Variants in SLCO2A1 observed in about 807,000 individuals in gnomAD.
The protein encoded by SLCO2A1 is solute carrier organic anion transporter family member 2A1.
A neutral mutation model predicts 71.7 loss-of-function variants in SLCO2A1; 60 were observed. The observed-to-expected ratio is 0.84, with a 90% CI of 0.68 to 1.04. The LOEUF (loss-of-function observed/expected upper bound fraction) is 1.04. SLCO2A1 is among the 50% of genes least tolerant of loss of function. The pLI, the probability that SLCO2A1 is intolerant of heterozygous loss-of-function variation, is 0.00. For synonymous variants in SLCO2A1, 308 were observed against 326.7 expected, an observed-to-expected ratio of 0.94 and a Z score of 0.62; for missense variants, 745 against 813.4, an observed-to-expected ratio of 0.92 and a Z score of 1.02.
At chr3:133,992,904 G>C (rs1412583867) in intron 1 of SLCO2A1, among the ~76,000 whole-genome samples, 2 of 151,272 alleles carry the variant, frequency 1.3e-5, no homozygotes, top group Non-Finnish European at 2.9e-5. Flanking sequence ...CGCCAGACAA[G>C]AGTTCAGATG....
At chr3:133,949,445 G>T (rs933701536) in intron 6 of SLCO2A1, among the ~76,000 whole-genome samples, 2 of 152,070 alleles carry the variant, frequency 1.3e-5, no homozygotes, top group Non-Finnish European at 2.9e-5. Flanking sequence ...TGAGCCTAAA[G>T]GTGAGTGCTG....
At chr3:133,974,954 G>A (rs1450177497) in intron 2 of SLCO2A1, among the ~76,000 whole-genome samples, 1 of 152,206 alleles carries the variant, frequency 6.6e-6, no homozygotes, top group Non-Finnish European at 1.5e-5. Flanking sequence ...ATTGGCAAAT[G>A]TACTGGTCAA....
At chr3:133,991,828 C>T (rs915880680) in intron 1 of SLCO2A1, among the ~76,000 whole-genome samples, 2 of 152,332 alleles carry the variant, frequency 1.3e-5, no homozygotes, top group South Asian at 4.2e-4. Flanking sequence ...CTTTGCCAGC[C>T]TTTACTGCCC....
intron 1 of SLCO2A1, among the ~76,000 whole-genome samples, chr3:134,012,607 A>G (rs1200124038): frequency 6.6e-6 from 1 of 152,250 alleles, no homozygotes; most frequent in Non-Finnish European, 1.5e-5. Context: ...TAGATTCTAT[A>G]CAATAAGATG....
intron 1 of SLCO2A1, among the ~76,000 whole-genome samples, chr3:134,014,439 G>A (rs60370200): frequency 0.014 from 2,171 of 152,218 alleles, 52 homozygotes; most frequent in African/African-American, 0.047. Context: ...TCCTGCCTGG[G>A]TTTCATCTCC....
chr3:133,956,992 A>G (rs1268659256), intron 3 of SLCO2A1, among the ~76,000 whole-genome samples: 3 of 152,248 alleles, frequency 2.0e-5, no homozygotes, highest in African/African-American at 4.8e-5. Flanking sequence ...ATAAAGCAAC[A>G]AAGTTTTTAA....
chr3:133,948,735 C>T (rs551021710), intron 7 of SLCO2A1, 35 bp from the exon 8 acceptor site: 8 of 1,606,810 alleles, frequency 5.0e-6, no homozygotes, highest in Non-Finnish European at 6.0e-6. Flanking sequence ...TCTGGCAGAA[C>T]CCCTGGGCTG....
chr3:133,937,732 C>T (rs888666146), intron 12 of SLCO2A1, among the ~76,000 whole-genome samples: 1 of 152,214 alleles, frequency 6.6e-6, no homozygotes, highest in Admixed American at 6.5e-5. Context: ...TACTGTGTGC[C>T]TGTCATTACA....
In SLCO2A1 at chr3:133,935,901, G is replaced by A; in HGVS notation, c.1691-4C>T. 1 of 1,589,806 alleles carries A rather than the reference G, an allele frequency of 6.3e-7. No individual in the cohort carries two copies. ...AGGGCTGGAGATGGCAGCCAGGCTG[G>A]AAGAGGGTTCAGAAAGCCCTGGTCA... On this transcript the variant is annotated splice_polypyrimidine_tract_variant and splice_region_variant and intron_variant, in intron 12 of 13. Transcript: ENST00000310926.
At chr3:133,985,779 T>G (rs1194213033) in intron 1 of SLCO2A1, among the ~76,000 whole-genome samples, 2 of 152,240 alleles carry the variant, frequency 1.3e-5, no homozygotes, top group East Asian at 3.8e-4. Context: ...TATAAAGTAC[T>G]CTAACTGATA....
rs931343004 is a variant in SLCO2A1, at chr3:133,959,817, C to CA, written c.398-4625dup. 2.0e-3 allele frequency among the ~76,000 whole-genome samples: 305 copies of CA among 149,724 alleles called. 1 individual carries two copies. The highest frequency in any genetic ancestry group is 6.7e-3 in the African/African-American group (275 of 40,764). On this transcript the variant is annotated intron_variant, in intron 3 of 13. Transcript: ENST00000310926. ...TGGGCGACAGAGTGAGATCTTGTCT[C>CA]AAAAAAAAATAAATACTAATGGGCC...
intron 1 of SLCO2A1, among the ~76,000 whole-genome samples, chr3:134,004,499 TA>T (rs1015778387): frequency 2.2e-4 from 34 of 152,314 alleles, no homozygotes; most frequent in African/African-American, 7.7e-4. Context: ...CATGCCTGGC[TA>T]ATTTTGTATT....
chr3:133,934,934 C>T (rs889909444), intron 13 of SLCO2A1, 104 bp from the exon 14 acceptor site: 31 of 891,588 alleles, frequency 3.5e-5, no homozygotes, highest in Non-Finnish European at 4.6e-5. Context: ...CGCTGGCCCG[C>T]GGAAGGTGTG....
At chr3:133,955,840 G>A (rs1933886343) in intron 3 of SLCO2A1, among the ~76,000 whole-genome samples, 1 of 152,306 alleles carries the variant, frequency 6.6e-6, no homozygotes, top group Admixed American at 6.5e-5. Flanking sequence ...AACTTCTGAT[G>A]CTGGAGGGGC....
At chr3:133,958,440 C>T (rs916965749) in intron 3 of SLCO2A1, among the ~76,000 whole-genome samples, 2 of 152,192 alleles carry the variant, frequency 1.3e-5, no homozygotes, top group African/African-American at 4.8e-5. Context: ...GCTGTTGCCC[C>T]AGGTGGGTAA....
At chr3:133,958,984 C>T (rs1297321620) in intron 3 of SLCO2A1, among the ~76,000 whole-genome samples, 6 of 152,096 alleles carry the variant, frequency 3.9e-5, no homozygotes, top group South Asian at 4.1e-4. Flanking sequence ...TGTGGGAGCA[C>T]GGTTTAAAGC....
At chr3:133,991,775 C>T (rs1476278466) in intron 1 of SLCO2A1, among the ~76,000 whole-genome samples, 17 of 152,214 alleles carry the variant, frequency 1.1e-4, no homozygotes, top group Admixed American at 1.0e-3. Context: ...ACAGATCTCT[C>T]ACTGCTCAGT....
Position 133,933,902 on chromosome 3 carries a change from T to C in SLCO2A1, c.*811A>G, listed in dbSNP as rs1329844269. ...GAGGTTGGGCATCAGGACCTTTTCA[T>C]AGGCCTTCCTTGGGTCTTCACTGTG... On this transcript the variant is annotated 3_prime_UTR_variant, in exon 14 of 14. Coordinates refer to ENST00000310926, the MANE Select transcript of SLCO2A1 (RefSeq NM_005630.3). The C allele has an allele frequency of 2.0e-5, 3 of 152,248 alleles. No homozygotes were observed. The highest frequency in any genetic ancestry group is 2.9e-5 in the Non-Finnish European group (2 of 68,066). 9.4% of individuals were successfully genotyped at this position (152,248 alleles called of 1,614,324 possible).
At chr3:133,994,381 G>A (rs567601506) in intron 1 of SLCO2A1, among the ~76,000 whole-genome samples, 14 of 152,248 alleles carry the variant, frequency 9.2e-5, no homozygotes, top group South Asian at 2.1e-4. Flanking sequence ...ATGTGCTACC[G>A]AATTGTTTTT....
Sources: gnomAD v4.1 joint callset for allele counts (sites outside exome capture counted in the v4.1 genomes callset) on GRCh38, gnomAD v4.1.1 for gene constraint, MANE v1.5 for transcripts, NCBI Gene and HGNC (gene_info 2026-07-23, HGNC 2026-07-21) for gene names.